MINDY3: variants seen among roughly 807,000 people sequenced by gnomAD.
MINDY3 encodes the protein ubiquitin carboxyl-terminal hydrolase MINDY-3.
A neutral mutation model predicts 69.2 loss-of-function variants in MINDY3; 38 were observed. The observed-to-expected ratio is 0.55, with a 90% CI of 0.42 to 0.72. The LOEUF (loss-of-function observed/expected upper bound fraction) is 0.72, where lower values mean the gene tolerates loss of function less well. Ranked by LOEUF, MINDY3 falls within the 30% of genes least tolerant of loss-of-function variation. The pLI, the probability that MINDY3 is intolerant of heterozygous loss-of-function variation, is 0.00. For missense variants in MINDY3, 522 were observed against 519.0 expected (o/e 1.01, Z -0.06); for synonymous variants, 192 against 180.1 (o/e 1.07, Z -0.53).
At chr10:15,811,278 T>G (rs1463784839) in intron 10 of MINDY3, among the ~76,000 whole-genome samples, 1 of 152,146 alleles carries the variant, frequency 6.6e-6, no homozygotes, top group Non-Finnish European at 1.5e-5. Context: ...ATGCTATAAT[T>G]TTAAAACTTA....
At chr10:15,793,506 A>G (rs1837574638) in intron 11 of MINDY3, among the ~76,000 whole-genome samples, 1 of 152,174 alleles carries the variant, frequency 6.6e-6, no homozygotes, top group South Asian at 2.1e-4. Context: ...TTGCTCAACT[A>G]GAAGCGAGAA....
At chr10:15,819,671 T>C (rs923694424) in intron 9 of MINDY3, among the ~76,000 whole-genome samples, 1 of 152,190 alleles carries the variant, frequency 6.6e-6, no homozygotes, top group Non-Finnish European at 1.5e-5. Flanking sequence ...CAATCCTGCA[T>C]GTGGCCCTGC....
intron 1 of MINDY3, among the ~76,000 whole-genome samples, chr10:15,851,432 C>G (rs1457703800): frequency 1.3e-5 from 2 of 152,034 alleles, no homozygotes. Context: ...ATTCTGGGCA[C>G]ATTTTCTTTC....
chr10:15,858,527 C>T (rs1209380389), intron 1 of MINDY3, among the ~76,000 whole-genome samples: 1 of 152,176 alleles, frequency 6.6e-6, no homozygotes, highest in Non-Finnish European at 1.5e-5. Flanking sequence ...GTGTGCTAAG[C>T]ACCTAAATTA....
At chr10:15,847,494 AC>A (rs1373454616) in intron 2 of MINDY3, among the ~76,000 whole-genome samples, 1 of 152,236 alleles carries the variant, frequency 6.6e-6, no homozygotes, top group Non-Finnish European at 1.5e-5. Context: ...TAGGAAAGTA[AC>A]TTTTACAGAC....
chr10:15,839,065 G>A (rs553463243), intron 4 of MINDY3, among the ~76,000 whole-genome samples: 12 of 151,548 alleles, frequency 7.9e-5, no homozygotes, highest in Admixed American at 7.2e-4. Context: ...TTGGCTCCAG[G>A]GAGTTATTTA....
At chr10:15,811,344 T>C (rs945434177) in intron 10 of MINDY3, among the ~76,000 whole-genome samples, 3 of 152,196 alleles carry the variant, frequency 2.0e-5, no homozygotes, top group Non-Finnish European at 2.9e-5. Flanking sequence ...TAGTTCATCC[T>C]GTATATAAAT....
chr10:15,858,149 G>A (rs1245601297), intron 1 of MINDY3, among the ~76,000 whole-genome samples: 6 of 152,122 alleles, frequency 3.9e-5, no homozygotes, highest in Non-Finnish European at 7.4e-5. Context: ...ATTCAGAGGC[G>A]ATAACTTCAA....
At chr10:15,801,703 G>A (rs1838270849) in intron 10 of MINDY3, among the ~76,000 whole-genome samples, 2 of 152,090 alleles carry the variant, frequency 1.3e-5, no homozygotes, top group Admixed American at 1.3e-4. Context: ...CAACATGGAA[G>A]TCTGGTAGGA....
chr10:15,845,969 C>T (rs1398667812), intron 2 of MINDY3, among the ~76,000 whole-genome samples: 1 of 151,550 alleles, frequency 6.6e-6, no homozygotes, highest in Non-Finnish European at 1.5e-5. Flanking sequence ...ATTACAGGCG[C>T]CTGCCACTAC....
rs966040266 is a variant in MINDY3, at chr10:15,778,369, T to C, written c.*623A>G. 6.6e-6 allele frequency: 1 copy of C among 152,210 alleles called. No homozygotes were observed. The highest frequency in any genetic ancestry group is 2.4e-5 in the African/African-American group (1 of 41,460). 9.4% of individuals were successfully genotyped at this position (152,210 alleles called of 1,614,324 possible). A position where few individuals can be genotyped will look rare whatever the true frequency, so the allele number is the denominator to read the frequency against. On this transcript the variant is annotated 3_prime_UTR_variant, in exon 15 of 15. Coordinates refer to ENST00000277632, the MANE Select transcript of MINDY3 (RefSeq NM_024948.4). ...CAGTAAAAGTTAACAGTGTTGACTA[T>C]CAGATTCTCTTTTCTGTCAGTTTTT...
At chr10:15,839,343 A>G (rs1050822113) in intron 4 of MINDY3, among the ~76,000 whole-genome samples, 28 of 151,636 alleles carry the variant, frequency 1.8e-4, no homozygotes, top group African/African-American at 6.5e-4. Context: ...CTGAGTATTC[A>G]CTACTGCGAA....
At chr10:15,798,232 T>A (rs552375500) in intron 10 of MINDY3, among the ~76,000 whole-genome samples, 27 of 152,260 alleles carry the variant, frequency 1.8e-4, no homozygotes, top group South Asian at 4.1e-4. Flanking sequence ...CTGGGTTAAA[T>A]CTTTTTGGGG....
chr10:15,798,480 T>TTTA (rs1554804365), intron 10 of MINDY3, among the ~76,000 whole-genome samples: 4 of 151,254 alleles, frequency 2.6e-5, no homozygotes, highest in African/African-American at 4.9e-5. Flanking sequence ...TTTTTTTTTT[T>TTTA]AAATACTCTG....
At chr10:15,838,315 G>A (rs372496536) in intron 4 of MINDY3, 36 bp from the exon 5 acceptor site, 8 of 1,543,132 alleles carry the variant, frequency 5.2e-6, no homozygotes, top group East Asian at 2.4e-5. Context: ...ACTACACATG[G>A]CAAATAAATG....
Position 15,860,127 on chromosome 10 carries a change from G to A in MINDY3, c.94+79C>T, listed in dbSNP as rs563862451. On this transcript the variant is annotated intron_variant, in intron 1 of 14. Coordinates refer to ENST00000277632, the MANE Select transcript of MINDY3 (RefSeq NM_024948.4). ...CAGAGAGCGGGGCACGCGAGGGGCT[G>A]GAGCGAGAGGCGTCACAGGCGGACT... 4.9e-4 allele frequency: 523 copies of A among 1,074,444 alleles called. 1 individual carries two copies. Among genetic ancestry groups the A allele is most frequent in the Non-Finnish European group, 6.4e-4 (461 of 715,850 alleles). The allele number at this position is 1,074,444 out of a possible 1,614,324, so 66.6% of individuals were successfully genotyped here. A position where few individuals can be genotyped will look rare whatever the true frequency, so the allele number is the denominator to read the frequency against.
chr10:15,808,269 G>C (rs530949880), intron 10 of MINDY3, among the ~76,000 whole-genome samples: 14 of 152,062 alleles, frequency 9.2e-5, no homozygotes, highest in African/African-American at 3.4e-4. Context: ...GATGAGGCAC[G>C]AAATCTCAAT....
At chr10:15,783,995 A>ACT (rs2131828182) in intron 13 of MINDY3, among the ~76,000 whole-genome samples, 1 of 152,340 alleles carries the variant, frequency 6.6e-6, no homozygotes, top group African/African-American at 2.4e-5. Context: ...TGGATTTCTG[A>ACT]ATCAGCTACT....
At chr10:15,806,925 A>G (rs1229115306) in intron 10 of MINDY3, among the ~76,000 whole-genome samples, 1 of 151,992 alleles carries the variant, frequency 6.6e-6, no homozygotes, top group Non-Finnish European at 1.5e-5. Flanking sequence ...GGTCTACTCT[A>G]CTCTAGCAGA....
Sources: allele counts gnomAD v4.1 joint callset (sites outside exome capture counted in the v4.1 genomes callset), GRCh38; gene constraint gnomAD v4.1.1; transcripts MANE v1.5; gene names NCBI Gene and HGNC (gene_info 2026-07-23, HGNC 2026-07-21).